Variants in NALCN observed in about 807,000 individuals in gnomAD.
NALCN encodes sodium leak channel, non-selective.
A neutral mutation model predicts 225.3 loss-of-function variants in NALCN; 111 were observed. The observed-to-expected ratio is 0.49, with a 90% confidence interval of 0.42 to 0.58. The LOEUF is 0.58. Ranked by LOEUF, NALCN falls within the 20% of genes least tolerant of loss-of-function variation. NALCN has a pLI of 0.00. For synonymous variants in NALCN, 764 were observed against 769.0 expected, an observed-to-expected ratio of 0.99 and a Z score of 0.11; for missense variants, 1,378 against 2,202.4, an observed-to-expected ratio of 0.63 and a Z score of 7.49.
At chr13:101,328,248 T>G (rs1007014850) in intron 7 of NALCN, among the ~76,000 whole-genome samples, 1 of 152,194 alleles carries the variant, frequency 6.6e-6, no homozygotes, top group Non-Finnish European at 1.5e-5. Context: ...AATGAAAGTC[T>G]CCATGCAAGA....
At chr13:101,122,969 G>A (rs2036052304) in intron 18 of NALCN, among the ~76,000 whole-genome samples, 1 of 152,172 alleles carries the variant, frequency 6.6e-6, no homozygotes. Flanking sequence ...CAACCCAGAG[G>A]ATTTTACATC....
chr13:101,385,063 A>C (rs2139448290), intron 3 of NALCN, among the ~76,000 whole-genome samples: 1 of 152,326 alleles, frequency 6.6e-6, no homozygotes, highest in Middle Eastern at 3.4e-3. Context: ...TACTGACCAC[A>C]GAACAAAGTC....
At chr13:101,215,546 T>C (rs996047899) in intron 13 of NALCN, among the ~76,000 whole-genome samples, 68 of 152,182 alleles carry the variant, frequency 4.5e-4, no homozygotes, top group African/African-American at 1.6e-3. Context: ...ATCTGGAGCT[T>C]GCGGTCTTCT....
chr13:101,415,627 CA>C (rs2047921534), intron 1 of NALCN, among the ~76,000 whole-genome samples: 1 of 152,214 alleles, frequency 6.6e-6, no homozygotes, highest in Non-Finnish European at 1.5e-5. Context: ...GATTCAGTGA[CA>C]AAATGGTGTT....
chr13:101,069,044 G>A (rs1436531919), intron 37 of NALCN, among the ~76,000 whole-genome samples: 3 of 152,124 alleles, frequency 2.0e-5, no homozygotes, highest in African/African-American at 7.2e-5. Flanking sequence ...GAATCCCAAG[G>A]TTATTGCCAT....
chr13:101,093,864 G>C (rs1417420129), intron 28 of NALCN, among the ~76,000 whole-genome samples: 1 of 152,098 alleles, frequency 6.6e-6, no homozygotes, highest in Non-Finnish European at 1.5e-5. Context: ...TTTGAGGAAA[G>C]GAAGAAAAGT....
At chr13:101,339,851 G>A (rs996256007) in intron 7 of NALCN, among the ~76,000 whole-genome samples, 3 of 152,184 alleles carry the variant, frequency 2.0e-5, no homozygotes, top group African/African-American at 4.8e-5. Context: ...TGAGAGGGGA[G>A]GGGAATAATT....
intron 15 of NALCN, among the ~76,000 whole-genome samples, chr13:101,169,237 A>G (rs2038599331): frequency 6.6e-6 from 1 of 152,252 alleles, no homozygotes; most frequent in Admixed American, 6.5e-5. Context: ...CCAGTTTCAC[A>G]GAATGAGTAG....
intron 3 of NALCN, among the ~76,000 whole-genome samples, chr13:101,388,621 G>T (rs911880732): frequency 6.6e-6 from 1 of 152,028 alleles, no homozygotes; most frequent in Non-Finnish European, 1.5e-5. Flanking sequence ...TGTTCACTTG[G>T]AATGAGTATA....
chr13:101,106,661 A>AG (rs1222595749), intron 22 of NALCN, among the ~76,000 whole-genome samples: 5 of 152,156 alleles, frequency 3.3e-5, no homozygotes, highest in African/African-American at 1.2e-4. Flanking sequence ...GTGGTGAATA[A>AG]GTCTCATGAG....
chr13:101,265,249 T>G (rs1040281763), intron 10 of NALCN, among the ~76,000 whole-genome samples: 1 of 152,168 alleles, frequency 6.6e-6, no homozygotes, highest in African/African-American at 2.4e-5. Flanking sequence ...TGTATAAAAG[T>G]GCCCAGGGCT....
intron 11 of NALCN, among the ~76,000 whole-genome samples, chr13:101,251,117 A>G (rs2042050352): frequency 6.6e-6 from 1 of 152,118 alleles, no homozygotes; most frequent in South Asian, 2.1e-4. Context: ...TATCTGACAA[A>G]TTCACAATTT....
intron 14 of NALCN, among the ~76,000 whole-genome samples, chr13:101,188,287 C>T (rs1243416929): frequency 6.6e-6 from 1 of 151,940 alleles, no homozygotes. Flanking sequence ...AATTTAACTG[C>T]AGAATATATG....
chr13:101,066,171 A>C (rs113736379), intron 39 of NALCN, among the ~76,000 whole-genome samples: 19,187 of 151,818 alleles, frequency 0.13, 1,579 homozygotes, highest in African/African-American at 0.22. Context: ...ACTAAAAATA[A>C]AAAAATTACC....
intron 13 of NALCN, among the ~76,000 whole-genome samples, chr13:101,213,671 C>T (rs1176619156): frequency 5.9e-5 from 9 of 152,176 alleles, no homozygotes; most frequent in Non-Finnish European, 1.3e-4. Flanking sequence ...GACATTTATG[C>T]AGCCAAAAGA....
intron 6 of NALCN, among the ~76,000 whole-genome samples, chr13:101,352,294 C>G (rs1030404015): frequency 6.6e-6 from 1 of 152,098 alleles, no homozygotes; most frequent in Non-Finnish European, 1.5e-5. Context: ...ACTATGACTA[C>G]GGGTGGCAGA....
chr13:101,392,832 T>C (rs2047183622), intron 3 of NALCN, among the ~76,000 whole-genome samples: 1 of 152,160 alleles, frequency 6.6e-6, no homozygotes, highest in South Asian at 2.1e-4. Context: ...TAGCAGAATA[T>C]AATATTAATG....
intron 7 of NALCN, among the ~76,000 whole-genome samples, chr13:101,327,362 G>T (rs2044996299): frequency 6.8e-6 from 1 of 147,972 alleles, no homozygotes; most frequent in South Asian, 2.2e-4. Context: ...TCATTTTCAA[G>T]TAATTTTTCT....
At chr13:101,101,286 T>TTTC (rs1555381303) in intron 26 of NALCN, among the ~76,000 whole-genome samples, 7 of 141,340 alleles carry the variant, frequency 5.0e-5, no homozygotes, top group Non-Finnish European at 9.3e-5. Flanking sequence ...TTTTTCTTTT[T>TTTC]TTTTTTTTTT....
Sources: allele counts gnomAD v4.1 joint callset (sites outside exome capture counted in the v4.1 genomes callset), GRCh38; gene constraint gnomAD v4.1.1; transcripts MANE v1.5; gene names NCBI Gene and HGNC (gene_info 2026-07-23, HGNC 2026-07-21).